The following TENM3 variants were observed in gnomAD, a reference collection of about 807,000 sequenced individuals.
TENM3 encodes teneurin-3.
Under a neutral mutation model 255.1 loss-of-function variants are expected in TENM3, and 63 were observed. That is an observed-to-expected ratio of 0.25 (90% CI 0.20 to 0.30). The LOEUF is 0.30. Ranked by LOEUF, TENM3 falls within the 10% of genes least tolerant of loss-of-function variation. The pLI is 1.00. For missense variants in TENM3, 2,929 were observed against 3,461.1 expected, an observed-to-expected ratio of 0.85 and a Z score of 3.86; for synonymous variants, 1,306 against 1,322.3, an observed-to-expected ratio of 0.99 and a Z score of 0.27.
chr4:182,265,816 A>G (rs565561130), intron 1 of TENM3, among the ~76,000 whole-genome samples: 87 of 152,366 alleles, frequency 5.7e-4, no homozygotes, highest in Middle Eastern at 3.4e-3. Flanking sequence ...AAGCAACATA[A>G]AAACTGTAAT....
the TENM3 span, among the ~76,000 whole-genome samples, chr4:181,483,108 A>T: frequency 1.3e-5 from 2 of 152,144 alleles, no homozygotes; most frequent in Non-Finnish European, 2.9e-5. Flanking sequence ...AACAAGTGTA[A>T]AAAGAATTTG....
chr4:182,632,644 T>C (rs1045581778), intron 5 of TENM3, among the ~76,000 whole-genome samples: 4 of 150,218 alleles, frequency 2.7e-5, no homozygotes, highest in Non-Finnish European at 6.0e-5. Flanking sequence ...AGGATATGAA[T>C]TTTTTGTCAC....
chr4:182,235,268 G>GA (rs1472952891), intron 1 of TENM3, among the ~76,000 whole-genome samples: 3 of 152,036 alleles, frequency 2.0e-5, no homozygotes, highest in Non-Finnish European at 4.4e-5. Context: ...GGCATCATAG[G>GA]AAAAAAATAT....
the TENM3 span, among the ~76,000 whole-genome samples, chr4:182,020,179 G>A: frequency 0.32 from 48,167 of 151,480 alleles, 7,965 homozygotes; most frequent in Admixed American, 0.37. Flanking sequence ...AGTCTGGCCA[G>A]CATGGTGAAA....
At chr4:182,303,850 C>A (rs1761983490) in intron 1 of TENM3, among the ~76,000 whole-genome samples, 1 of 152,100 alleles carries the variant, frequency 6.6e-6, no homozygotes, top group Admixed American at 6.6e-5. Context: ...GCCGTAGGAT[C>A]CTCAGATTAA....
At chr4:182,114,317 T>A in the TENM3 span, among the ~76,000 whole-genome samples, 1 of 82,020 alleles carries the variant, frequency 1.2e-5, no homozygotes, top group Non-Finnish European at 2.8e-5. Flanking sequence ...GCATAGAATT[T>A]AGTCTGAGAA....
At chr4:182,605,905 A>T (rs1035979235) in intron 4 of TENM3, among the ~76,000 whole-genome samples, 2 of 152,228 alleles carry the variant, frequency 1.3e-5, no homozygotes, top group African/African-American at 4.8e-5. Context: ...GTACCAGGCA[A>T]AGAGGGACGT....
chr4:181,935,555 C>T, the TENM3 span, among the ~76,000 whole-genome samples: 2 of 152,330 alleles, frequency 1.3e-5, no homozygotes, highest in East Asian at 3.9e-4. Context: ...CACTATGGCA[C>T]TTGTCCCCTT....
chr4:182,310,134 A>G (rs1167820479), intron 1 of TENM3, among the ~76,000 whole-genome samples: 2 of 152,150 alleles, frequency 1.3e-5, no homozygotes, highest in Non-Finnish European at 2.9e-5. Context: ...TCTCCTTCCC[A>G]GTTGTATTGA....
At chr4:182,275,323 T>G (rs141409145) in intron 1 of TENM3, among the ~76,000 whole-genome samples, 1 of 152,316 alleles carries the variant, frequency 6.6e-6, no homozygotes, top group Non-Finnish European at 1.5e-5. Flanking sequence ...GACATCACAC[T>G]TGCAGCTTGG....
the TENM3 span, among the ~76,000 whole-genome samples, chr4:181,625,849 ATAT>A: frequency 6.6e-6 from 1 of 151,726 alleles, no homozygotes; most frequent in Non-Finnish European, 1.5e-5. Flanking sequence ...AATAATAATA[ATAT>A]TGTATATCTT....
the TENM3 span, among the ~76,000 whole-genome samples, chr4:181,546,715 GAA>G: frequency 1.1e-5 from 1 of 93,530 alleles, no homozygotes. Flanking sequence ...CTCCGTCTCA[GAA>G]AAAAAAAAAA....
At chr4:181,789,909 T>C in the TENM3 span, among the ~76,000 whole-genome samples, 1 of 152,134 alleles carries the variant, frequency 6.6e-6, no homozygotes, top group Non-Finnish European at 1.5e-5. Flanking sequence ...ATCCATATCC[T>C]TTGTAGTATT....
At chr4:181,994,477 C>T in the TENM3 span, among the ~76,000 whole-genome samples, 1 of 151,850 alleles carries the variant, frequency 6.6e-6, no homozygotes, top group Admixed American at 6.6e-5. Context: ...CAGTGGCTTC[C>T]CGAAATATCA....
the TENM3 span, among the ~76,000 whole-genome samples, chr4:181,728,648 A>G: frequency 6.6e-6 from 1 of 152,112 alleles, no homozygotes; most frequent in East Asian, 1.9e-4. Flanking sequence ...TTTCATCACC[A>G]TCTTGGCTTG....
the TENM3 span, among the ~76,000 whole-genome samples, chr4:181,617,141 G>A: frequency 1.4e-4 from 21 of 152,154 alleles, no homozygotes; most frequent in South Asian, 2.1e-4. Flanking sequence ...TAAAATGATC[G>A]AAAGACAGAT....
chr4:181,534,871 G>A, the TENM3 span, among the ~76,000 whole-genome samples: 13,368 of 152,116 alleles, frequency 0.088, 740 homozygotes, highest in African/African-American at 0.16. Flanking sequence ...TGTAACTTCC[G>A]ATTTTATATC....
At chr4:181,695,167 T>C in the TENM3 span, among the ~76,000 whole-genome samples, 1 of 152,206 alleles carries the variant, frequency 6.6e-6, no homozygotes. Flanking sequence ...ATTTTGCTAG[T>C]ATGTTATTTG....
At chr4:181,722,077 C>T in the TENM3 span, among the ~76,000 whole-genome samples, 1 of 152,088 alleles carries the variant, frequency 6.6e-6, no homozygotes, top group African/African-American at 2.4e-5. Context: ...TCAAGGGTTT[C>T]TAAACTGAGA....
Sources: gnomAD v4.1 joint callset for allele counts (sites outside exome capture counted in the v4.1 genomes callset) on GRCh38, gnomAD v4.1.1 for gene constraint, MANE v1.5 for transcripts, NCBI Gene and HGNC (gene_info 2026-07-23, HGNC 2026-07-21) for gene names.